The following ZNF100 variants were observed in gnomAD, a reference collection of about 807,000 sequenced individuals.
ZNF100 encodes zinc finger protein 100 (Y1).
A neutral mutation model predicts 15.8 loss-of-function variants in ZNF100; 12 were observed. The observed-to-expected ratio is 0.76, with a 90% CI of 0.49 to 1.23. The LOEUF is 1.23. ZNF100 is among the 50% of genes most tolerant of loss of function. The probability of loss-of-function intolerance (pLI) is 0.00; values close to 1 mark genes in which losing one functional copy is unlikely to be tolerated. For synonymous variants in ZNF100, 226 were observed against 214.8 expected, an observed-to-expected ratio of 1.05 and a Z score of -0.45; for missense variants, 670 against 635.6, an observed-to-expected ratio of 1.05 and a Z score of -0.58.
chr19:21,729,087 C>A (rs1410219071), intron 4 of ZNF100, among the ~76,000 whole-genome samples: 3 of 151,894 alleles, frequency 2.0e-5, no homozygotes, highest in African/African-American at 7.2e-5. Flanking sequence ...AAGTCACAGA[C>A]AAGAGAACCT....
Position 21,744,835 on chromosome 19 carries a change from G to A in ZNF100, c.223+106C>T, listed in dbSNP as rs543298206. 3.8e-5 allele frequency: 57 copies of A among 1,500,830 alleles called. 1 individual carries two copies. In the African/African-American group the frequency reaches 4.0e-4, roughly 10 times the overall value. 93.0% of individuals were successfully genotyped at this position (1,500,830 alleles called of 1,614,324 possible). On this transcript the variant is annotated intron_variant, in intron 3 of 4. Coordinates refer to ENST00000358296, the MANE Select transcript of ZNF100 (RefSeq NM_173531.4). ...AGCCTCAAGATTTTCTTGAAAAAAC[G>A]GATCAGAAACTCATTTATGCAAAGC...
chr19:21,766,552 A>C (rs2036565701), intron 1 of ZNF100, among the ~76,000 whole-genome samples: 1 of 152,148 alleles, frequency 6.6e-6, no homozygotes, highest in Admixed American at 6.5e-5. Context: ...GTATTGTACA[A>C]ATCAAGAAAC....
intron 2 of ZNF100, among the ~76,000 whole-genome samples, chr19:21,762,869 A>G (rs994046312): frequency 2.0e-5 from 3 of 152,174 alleles, no homozygotes; most frequent in African/African-American, 7.2e-5. Flanking sequence ...AGCACAAAAT[A>G]CAGGCCATAA....
intron 4 of ZNF100, among the ~76,000 whole-genome samples, chr19:21,740,181 T>C (rs2036083387): frequency 6.6e-6 from 1 of 152,190 alleles, no homozygotes; most frequent in Non-Finnish European, 1.5e-5. Flanking sequence ...CTTGTGTATA[T>C]GATTAAATGA....
intron 4 of ZNF100, among the ~76,000 whole-genome samples, chr19:21,731,361 T>G (rs1410280694): frequency 2.7e-5 from 4 of 149,826 alleles, no homozygotes; most frequent in African/African-American, 1.0e-4. Context: ...CAGGCTGGAG[T>G]GCAGTGGCAT....
At chr19:21,737,832 C>A (rs2036035835) in intron 4 of ZNF100, among the ~76,000 whole-genome samples, 2 of 152,122 alleles carry the variant, frequency 1.3e-5, no homozygotes, top group Admixed American at 6.5e-5. Context: ...CTTCTGAAAC[C>A]ATTTTAAATG....
rs1175417750 is a variant in ZNF100, at chr19:21,722,818, T to TA, written c.*3864dup. 2 of 149,352 alleles carry TA rather than the reference T, an allele frequency of 1.3e-5. No individual in the cohort carries two copies. Among genetic ancestry groups the TA allele is most frequent in the Non-Finnish European group, 3.0e-5 (2 of 67,434 alleles). The allele number at this position is 149,352 out of a possible 1,614,324, so 9.3% of individuals were successfully genotyped here. Reference sequence around the variant, plus strand: ...ATTTTAATAAAAGTATGTTACATAATAAAAAATAAATTTAAAATTGTTCAC... The same window carrying TA: ...ATTTTAATAAAAGTATGTTACATAATAAAAAAATAAATTTAAAATTGTTCAC... On this transcript the variant is annotated 3_prime_UTR_variant, in exon 5 of 5. Coordinates refer to ENST00000358296, the MANE Select transcript of ZNF100 (RefSeq NM_173531.4).
chr19:21,756,426 T>C (rs1432121232), intron 2 of ZNF100, among the ~76,000 whole-genome samples: 1 of 152,104 alleles, frequency 6.6e-6, no homozygotes, highest in Non-Finnish European at 1.5e-5. Flanking sequence ...ATCAGTAGCA[T>C]CTCTGTACAT....
intron 2 of ZNF100, among the ~76,000 whole-genome samples, chr19:21,760,811 C>T (rs1381793364): frequency 7.4e-6 from 1 of 135,246 alleles, no homozygotes; most frequent in Non-Finnish European, 1.5e-5. Context: ...GGCTGGAGTG[C>T]AGTGGTGCGA....
intron 2 of ZNF100, among the ~76,000 whole-genome samples, chr19:21,749,489 C>A (rs2036267152): frequency 6.6e-6 from 1 of 152,180 alleles, no homozygotes; most frequent in Non-Finnish European, 1.5e-5. Context: ...CATGCTGATT[C>A]TAAATAGAAA....
chr19:21,751,016 G>T lies in ZNF100; in HGVS notation c.97-5949C>A, dbSNP rs2036298619. The T allele has an allele frequency of 7.0e-6, 9 of 1,277,082 alleles. No homozygotes were observed. In the East Asian group the frequency reaches 2.1e-4, roughly 30 times the overall value. 79.1% of individuals were successfully genotyped at this position (1,277,082 alleles called of 1,614,324 possible). A position where few individuals can be genotyped will look rare whatever the true frequency, so the allele number is the denominator to read the frequency against. On this transcript the variant is annotated intron_variant, in intron 2 of 4. Transcript: ENST00000358296. ...GCCTACCAGTTGGATTTCGCAGCGG[G>T]CGAGGGCCACCACCTGCAGCACATC...
chr19:21,725,374 T>C lies in ZNF100; in HGVS notation c.*1309A>G, dbSNP rs1205623717. Reference sequence around the variant, plus strand: ...TATTAGTAAAATATACTAATTTTAATTTACTTATAAATGAAATTAAGTTTT... The same window carrying C: ...TATTAGTAAAATATACTAATTTTAACTTACTTATAAATGAAATTAAGTTTT... On this transcript the variant is annotated 3_prime_UTR_variant, in exon 5 of 5. Transcript: ENST00000358296. 2.0e-5 allele frequency: 3 copies of C among 152,166 alleles called. No individual in the cohort carries two copies. Among genetic ancestry groups the C allele is most frequent in the African/African-American group, 7.2e-5 (3 of 41,454 alleles). 9.4% of individuals were successfully genotyped at this position (152,166 alleles called of 1,614,324 possible).
intron 2 of ZNF100, among the ~76,000 whole-genome samples, chr19:21,760,264 T>C (rs981728035): frequency 6.0e-5 from 9 of 150,706 alleles, no homozygotes; most frequent in African/African-American, 2.0e-4. Flanking sequence ...AGGCTGAGGC[T>C]AGCGAGTCAC....
chr19:21,744,827 G>C, intron 3 of ZNF100, 114 bp downstream of exon 3: 1 of 1,509,296 alleles, frequency 6.6e-7, no homozygotes, highest in Non-Finnish European at 8.9e-7. Context: ...AGATTTTCTT[G>C]AAAAAACGGA....
At chr19:21,760,484 G>C (rs1426170749) in intron 2 of ZNF100, among the ~76,000 whole-genome samples, 1 of 151,412 alleles carries the variant, frequency 6.6e-6, no homozygotes, top group Non-Finnish European at 1.5e-5. Context: ...GACAAAGCAA[G>C]ACTCCATCTA....
intron 4 of ZNF100, among the ~76,000 whole-genome samples, chr19:21,734,745 G>A (rs2035979342): frequency 1.3e-5 from 2 of 151,994 alleles, no homozygotes; most frequent in African/African-American, 4.8e-5. Flanking sequence ...TCAACCTCAA[G>A]ACACATAATT....
rs1320041955 is a variant in ZNF100, at chr19:21,725,642, A to C, written c.*1041T>G. On this transcript the variant is annotated 3_prime_UTR_variant, in exon 5 of 5. Coordinates refer to ENST00000358296, the MANE Select transcript of ZNF100 (RefSeq NM_173531.4). ...GTGAAGAAAAGGCAGGAAATAATTT[A>C]AGAGTTGAATTACATTATTACTCAC... 1 of 152,210 alleles carries C rather than the reference A, an allele frequency of 6.6e-6. No homozygotes were observed. Among genetic ancestry groups the C allele is most frequent in the South Asian group, 2.1e-4 (1 of 4,838 alleles). 9.4% of individuals were successfully genotyped at this position (152,210 alleles called of 1,614,324 possible). A position where few individuals can be genotyped will look rare whatever the true frequency, so the allele number is the denominator to read the frequency against.
At chr19:21,766,111 T>A (rs2036556757) in intron 1 of ZNF100, among the ~76,000 whole-genome samples, 1 of 152,204 alleles carries the variant, frequency 6.6e-6, no homozygotes, top group South Asian at 2.1e-4. Context: ...AAAAGCGCCA[T>A]TTAATGCTTT....
rs1394967136 is a variant in ZNF100, at chr19:21,727,319, G to C, written c.993C>G (p.His331Gln). Residue 331 changes from histidine (H) to glutamine (Q), a missense_variant, in exon 5 of 5, where the codon CAC becomes CAG. Coordinates refer to ENST00000358296, the MANE Select transcript of ZNF100 (RefSeq NM_173531.4). ...ECGKAFNRSSHLTTHRIIHTG... is the reference protein window; with the variant it reads ...ECGKAFNRSSQLTTHRIIHTG... ...TATGAATTATCCTGTGTGTAGTAAG[G>C]TGTGAGGACCGGTTAAAAGCTTTGC... is the stretch of plus-strand genomic sequence containing the variant. 1.2e-6 allele frequency: 2 copies of C among 1,612,796 alleles called. No homozygotes were observed. The highest frequency in any genetic ancestry group is 8.5e-7 in the Non-Finnish European group (1 of 1,179,556).
Sources: allele counts gnomAD v4.1 joint callset (sites outside exome capture counted in the v4.1 genomes callset), GRCh38; gene constraint gnomAD v4.1.1; transcripts MANE v1.5; gene names NCBI Gene and HGNC (gene_info 2026-07-23, HGNC 2026-07-21).